Variants in CIAPIN1 observed in about 807,000 individuals in gnomAD.
CIAPIN1 encodes the protein anamorsin.
Under a neutral mutation model 34.3 loss-of-function variants are expected in CIAPIN1, and 18 were observed. That is an observed-to-expected ratio of 0.52 (90% CI 0.36 to 0.78). CIAPIN1 has a LOEUF of 0.78. Ranked by LOEUF, CIAPIN1 falls within the 30% of genes least tolerant of loss-of-function variation. The probability of loss-of-function intolerance (pLI) is 0.00; values close to 1 mark genes in which losing one functional copy is unlikely to be tolerated. For missense variants in CIAPIN1, 310 were observed against 372.5 expected, an observed-to-expected ratio of 0.83 and a Z score of 1.38; for synonymous variants, 131 against 140.4, an observed-to-expected ratio of 0.93 and a Z score of 0.47.
chr16:57,439,259 T>A lies in CIAPIN1; in HGVS notation c.233A>T (p.Glu78Val). 1.9e-6 allele frequency: 3 copies of A among 1,614,158 alleles called. No homozygotes were observed. The highest frequency in any genetic ancestry group is 2.5e-6 in the Non-Finnish European group (3 of 1,180,042). ...GATCCGGGCGATTTCAGCCAAAATC[T>A]CAGCACTGTGCAGAGTGGTGCTTCC... ...VPGSTTLHSA[E>V]ILAEIARILR... The change falls in exon 3 of 9, where the codon GAG (glutamate) becomes GTG (valine). Residue 78 changes from glutamate (E) to valine (V), a missense_variant. Transcript: ENST00000394391.
chr16:57,439,926 G>T (rs1403420252), intron 2 of CIAPIN1, among the ~76,000 whole-genome samples: 1 of 152,180 alleles, frequency 6.6e-6, no homozygotes. Context: ...AAAAGAACAG[G>T]ATAACAGCGA....
chr16:57,433,809 G>A (rs955696931), intron 5 of CIAPIN1: 106 of 413,164 alleles, frequency 2.6e-4, no homozygotes, highest in Admixed American at 1.1e-3. Flanking sequence ...AGGAGGCCTC[G>A]GTATCTTCTG....
At chr16:57,431,353 T>TG in intron 6 of CIAPIN1, 87 bp from the exon 7 acceptor site, 1 of 857,158 alleles carries the variant, frequency 1.2e-6, no homozygotes, top group Non-Finnish European at 1.9e-6. Flanking sequence ...AGAGGAAACT[T>TG]GGAGTCCAGG....
intron 5 of CIAPIN1, 159 bp downstream of exon 5, chr16:57,433,885 C>T: frequency 4.6e-6 from 3 of 658,570 alleles, no homozygotes; most frequent in Non-Finnish European, 7.9e-6. Flanking sequence ...CCTAATATGC[C>T]CATGATAATA....
intron 1 of CIAPIN1, among the ~76,000 whole-genome samples, chr16:57,443,083 G>GAA (rs563414443): frequency 2.7e-5 from 3 of 111,908 alleles, no homozygotes; most frequent in East Asian, 2.4e-4. Context: ...AGTAAAAATG[G>GAA]AAAAAAAAAA....
At chr16:57,433,111 A>C (rs1261462705) in intron 5 of CIAPIN1, among the ~76,000 whole-genome samples, 2 of 146,610 alleles carry the variant, frequency 1.4e-5, no homozygotes, top group African/African-American at 4.9e-5. Context: ...CATACAAGAA[A>C]ATAGGCTCTA....
At chr16:57,439,122 G>T in intron 3 of CIAPIN1, 60 bp downstream of exon 3, 1 of 1,568,874 alleles carries the variant, frequency 6.4e-7, no homozygotes, top group Non-Finnish European at 8.7e-7. Flanking sequence ...CGGAGATGCA[G>T]CACACATACT....
Position 57,434,035 on chromosome 16 carries a change from CA to C in CIAPIN1, c.556+8del, listed in dbSNP as rs753177128. 6.2e-7 allele frequency: 1 copy of C among 1,613,318 alleles called. No homozygotes were observed. The highest frequency in any genetic ancestry group is 1.1e-5 in the South Asian group (1 of 90,844). Reference sequence around the variant, plus strand: ...TTCAAACAGAAGAATGTCCCTAGGCCAGCCTTACCTGAAGGAGAAGACTTCT... The same window carrying C: ...TTCAAACAGAAGAATGTCCCTAGGCCGCCTTACCTGAAGGAGAAGACTTCT... On this transcript the variant is annotated splice_region_variant and intron_variant, in intron 5 of 8. Transcript: ENST00000394391.
chr16:57,430,011 C>T (rs758922622), intron 8 of CIAPIN1, among the ~76,000 whole-genome samples: 6 of 152,192 alleles, frequency 3.9e-5, no homozygotes, highest in Non-Finnish European at 7.3e-5. Flanking sequence ...CATCAGGTCC[C>T]ACTCTGAAGT....
At chr16:57,431,006 T>TC (rs1436654658) in intron 7 of CIAPIN1, 145 bp downstream of exon 7, 105 of 522,980 alleles carry the variant, frequency 2.0e-4, no homozygotes, top group Non-Finnish European at 3.3e-4. Context: ...CTAATTTTTT[T>TC]TTTTTTTTAA....
chr16:57,436,072 A>G (rs1251354782), intron 4 of CIAPIN1, among the ~76,000 whole-genome samples: 2 of 152,196 alleles, frequency 1.3e-5, no homozygotes, highest in Non-Finnish European at 2.9e-5. Flanking sequence ...ATTCGGGTCT[A>G]CTGAGAGGTG....
At chr16:57,435,945 CTTAAT>C (rs1360641118) in intron 4 of CIAPIN1, among the ~76,000 whole-genome samples, 1 of 152,222 alleles carries the variant, frequency 6.6e-6, no homozygotes, top group South Asian at 2.1e-4. Flanking sequence ...AATACTTCTG[CTTAAT>C]TTAAACATTT....
chr16:57,431,961 C>T (rs771113318), intron 6 of CIAPIN1, among the ~76,000 whole-genome samples: 1 of 152,132 alleles, frequency 6.6e-6, no homozygotes, highest in South Asian at 2.1e-4. Flanking sequence ...TTCAACATAT[C>T]GTATGAAGTG....
Position 57,430,265 on chromosome 16 carries a change from C to T in CIAPIN1, c.821G>A (p.Cys274Tyr). The part of the protein sequence containing the change: ...EQMSSQPKSA[C>Y]GNCYLGDAFR... The stretch of plus-strand genomic sequence containing the variant: ...AATGATCCTGATATTTACGTTTCCA[C>T]AAGCTGACTTGGGTTGGGAGCTCAT... The change falls in exon 8 of 9, where the codon TGT becomes TAT. Residue 274 changes from cysteine (C) to tyrosine (Y), a missense_variant. Transcript: ENST00000394391. 6.2e-7 allele frequency: 1 copy of T among 1,614,150 alleles called. No individual in the cohort carries two copies. The highest frequency in any genetic ancestry group is 1.1e-5 in the South Asian group (1 of 91,084).
rs149254193 is a variant in CIAPIN1, at chr16:57,447,324, G to T, written c.-56+18C>A. The T allele has an allele frequency of 0.027, 12,206 of 443,946 alleles. 208 individuals carry two copies. Among genetic ancestry groups the T allele is most frequent in the Non-Finnish European group, 0.033 (8,911 of 267,990 alleles). 27.5% of individuals were successfully genotyped at this position (443,946 alleles called of 1,614,324 possible). On this transcript the variant is annotated intron_variant, in intron 1 of 8. Coordinates refer to ENST00000394391, the MANE Select transcript of CIAPIN1 (RefSeq NM_020313.4). ...GTTGAGGGAGCTCTGGCGCTCAGCT[G>T]GCCCCCACCACTCTCACCTGCCGCC...
intron 1 of CIAPIN1, among the ~76,000 whole-genome samples, chr16:57,444,577 G>A (rs1321361019): frequency 1.3e-5 from 2 of 152,220 alleles, no homozygotes; most frequent in Non-Finnish European, 2.9e-5. Context: ...GACTGTGTCA[G>A]TAAATTAGAA....
At chr16:57,431,296 C>A (rs761792450) in intron 6 of CIAPIN1, 30 bp from the exon 7 acceptor site, 6 of 1,446,860 alleles carry the variant, frequency 4.1e-6, no homozygotes, top group Admixed American at 1.7e-5. Flanking sequence ...ATGAGTGATA[C>A]AGTCGTGGTC....
At chr16:57,438,092 C>G (rs1325498424) in intron 3 of CIAPIN1, among the ~76,000 whole-genome samples, 1 of 152,112 alleles carries the variant, frequency 6.6e-6, no homozygotes, top group South Asian at 2.1e-4. Context: ...GGTTTAAATT[C>G]CCAGCAAAGA....
chr16:57,442,810 T>C (rs2029897776), intron 1 of CIAPIN1, among the ~76,000 whole-genome samples: 1 of 152,228 alleles, frequency 6.6e-6, no homozygotes, highest in African/African-American at 2.4e-5. Context: ...AAGGAGTTAC[T>C]AAAGGTTTTA....
Sources: gnomAD v4.1 joint callset for allele counts (sites outside exome capture counted in the v4.1 genomes callset) on GRCh38, gnomAD v4.1.1 for gene constraint, MANE v1.5 for transcripts, NCBI Gene and HGNC (gene_info 2026-07-23, HGNC 2026-07-21) for gene names.